ARMC8: variants seen among roughly 807,000 people sequenced by gnomAD.
The protein encoded by ARMC8 is armadillo repeat-containing protein 8.
In ARMC8, 20 loss-of-function variants were observed where a neutral mutation model predicts 99.3. The ratio of observed to expected loss-of-function variants is 0.20; its 90% confidence interval spans 0.14 to 0.29. The LOEUF is 0.29. Among genes scored for constraint, ARMC8 ranks in the 10% least tolerant of loss-of-function variants. The probability of loss-of-function intolerance (pLI) is 1.00; values close to 1 mark genes in which losing one functional copy is unlikely to be tolerated. For synonymous variants in ARMC8, 263 were observed against 278.3 expected (o/e 0.95, Z 0.55); for missense variants, 569 against 809.5 (o/e 0.70, Z 3.60).
chr3:138,242,317 A>G (rs1188920383), intron 11 of ARMC8, among the ~76,000 whole-genome samples: 3 of 152,164 alleles, frequency 2.0e-5, no homozygotes, highest in Non-Finnish European at 4.4e-5. Flanking sequence ...CTGTTGTTAC[A>G]TTCTCATTCT....
chr3:138,244,980 T>C (rs1406818501), intron 11 of ARMC8, 108 bp from the exon 12 acceptor site: 25 of 1,348,992 alleles, frequency 1.9e-5, no homozygotes, highest in South Asian at 1.0e-4. Flanking sequence ...GACTGGGAAA[T>C]TCACTAAAAT....
intron 1 of ARMC8, among the ~76,000 whole-genome samples, chr3:138,197,930 A>G (rs2043832648): frequency 6.6e-6 from 1 of 152,252 alleles, no homozygotes; most frequent in African/African-American, 2.4e-5. Context: ...ATAGTACTTG[A>G]TTAGAAGCAT....
intron 10 of ARMC8, among the ~76,000 whole-genome samples, chr3:138,241,163 G>A (rs567166227): frequency 1.3e-5 from 2 of 152,320 alleles, no homozygotes; most frequent in Non-Finnish European, 2.9e-5. Context: ...AGTAAAATTG[G>A]ACTCATGGAT....
chr3:138,193,353 C>CA, intron 1 of ARMC8, among the ~76,000 whole-genome samples: 1 of 152,118 alleles, frequency 6.6e-6, no homozygotes, highest in South Asian at 2.1e-4. Flanking sequence ...CTCTGCCTCC[C>CA]AGGCTCAAGA....
chr3:138,292,792 C>A (rs1363908610), intron 21 of ARMC8, among the ~76,000 whole-genome samples: 3 of 151,910 alleles, frequency 2.0e-5, no homozygotes, highest in Non-Finnish European at 4.4e-5. Context: ...TCTCTTAGAG[C>A]AAGTAAAAAG....
intron 12 of ARMC8, among the ~76,000 whole-genome samples, chr3:138,259,063 A>G (rs1384891423): frequency 6.6e-6 from 1 of 152,154 alleles, no homozygotes; most frequent in East Asian, 1.9e-4. Context: ...TTGCTCTTAC[A>G]TCCTGGAAGG....
intron 12 of ARMC8, chr3:138,245,435 T>C: frequency 7.3e-7 from 1 of 1,374,816 alleles, no homozygotes; most frequent in Non-Finnish European, 9.4e-7. Flanking sequence ...GTCATTAATA[T>C]GAATTATTAT....
At chr3:138,265,128 C>T (rs1049891097) in intron 14 of ARMC8, among the ~76,000 whole-genome samples, 1 of 151,982 alleles carries the variant, frequency 6.6e-6, no homozygotes, top group African/African-American at 2.4e-5. Context: ...AACTCCTGAG[C>T]TCAAGTGATC....
chr3:138,236,000 G>A (rs377752609), intron 7 of ARMC8, among the ~76,000 whole-genome samples: 1 of 151,950 alleles, frequency 6.6e-6, no homozygotes, highest in Non-Finnish European at 1.5e-5. Context: ...TAGAGACAGG[G>A]TTTCACCATG....
intron 5 of ARMC8, among the ~76,000 whole-genome samples, chr3:138,226,903 C>T (rs549897934): frequency 6.6e-6 from 1 of 152,234 alleles, no homozygotes; most frequent in African/African-American, 2.4e-5. Flanking sequence ...CAATTTTGTG[C>T]CTCAGCTATT....
chr3:138,274,177 A>G (rs1210941102), intron 17 of ARMC8, among the ~76,000 whole-genome samples: 6 of 151,590 alleles, frequency 4.0e-5, no homozygotes, highest in Admixed American at 1.3e-4. Flanking sequence ...TTGTGCTTTC[A>G]TATTCTGTCA....
At chr3:138,263,916 G>A (rs1256849637) in intron 13 of ARMC8, 95 bp downstream of exon 13, 6 of 1,212,236 alleles carry the variant, frequency 4.9e-6, no homozygotes, top group Non-Finnish European at 7.4e-6. Context: ...GACTACAAAT[G>A]TTCCTCAAAA....
chr3:138,256,264 C>T (rs758173296), intron 12 of ARMC8, among the ~76,000 whole-genome samples: 3 of 152,056 alleles, frequency 2.0e-5, no homozygotes, highest in Non-Finnish European at 4.4e-5. Flanking sequence ...GGTTTCTTCC[C>T]GGTTTTTCTT....
rs1359919220 is a variant in ARMC8, at chr3:138,262,415, T to C, written c.1135-1324T>C. The C allele has an allele frequency of 1.8e-5, 20 of 1,116,786 alleles. 1 individual carries two copies. In the Admixed American group the frequency reaches 3.1e-4, roughly 17 times the overall value. The allele number at this position is 1,116,786 out of a possible 1,614,324, so 69.2% of individuals were successfully genotyped here. A position where few individuals can be genotyped will look rare whatever the true frequency, so the allele number is the denominator to read the frequency against. On this transcript the variant is annotated intron_variant, in intron 12 of 21. Transcript: ENST00000469044. ...CTAAAATGTGGTTCCCTGTTCTTAATAGATGATATTTTCCCTGATCATTGT... is the reference window on the plus strand; with the variant it reads ...CTAAAATGTGGTTCCCTGTTCTTAACAGATGATATTTTCCCTGATCATTGT...
chr3:138,271,768 T>C (rs1289292338), intron 16 of ARMC8, among the ~76,000 whole-genome samples: 1 of 151,928 alleles, frequency 6.6e-6, no homozygotes, highest in Non-Finnish European at 1.5e-5. Context: ...ACATATTATG[T>C]CTCTAGTTCA....
At chr3:138,280,687 T>A (rs2049815989) in intron 18 of ARMC8, among the ~76,000 whole-genome samples, 1 of 151,974 alleles carries the variant, frequency 6.6e-6, no homozygotes, top group Admixed American at 6.5e-5. Flanking sequence ...AGAGACAGGG[T>A]TTCACCATGT....
chr3:138,266,414 G>T (rs1005189883), intron 14 of ARMC8, among the ~76,000 whole-genome samples: 1 of 152,070 alleles, frequency 6.6e-6, no homozygotes, highest in Non-Finnish European at 1.5e-5. Context: ...GTTGGGGCCA[G>T]ATTTGACATT....
In ARMC8 at chr3:138,187,325, G is replaced by C; in HGVS notation, c.-230G>C. On this transcript the variant is annotated 5_prime_UTR_variant, in exon 1 of 22. Transcript: ENST00000469044. Reference sequence around the variant, plus strand: ...CGCTTCCACCTCTAACCCAGGCTCAGAGTAGCTGCTGTTTCTGAGAGAACG... The same window carrying C: ...CGCTTCCACCTCTAACCCAGGCTCACAGTAGCTGCTGTTTCTGAGAGAACG... The C allele has an allele frequency of 2.0e-6, 1 of 500,842 alleles. No homozygotes were observed. Among genetic ancestry groups the C allele is most frequent in the Non-Finnish European group, 3.6e-6 (1 of 280,182 alleles). The allele number at this position is 500,842 out of a possible 1,614,324, so 31.0% of individuals were successfully genotyped here.
At chr3:138,194,528 A>AG (rs1256160750) in intron 1 of ARMC8, among the ~76,000 whole-genome samples, 3 of 133,166 alleles carry the variant, frequency 2.3e-5, no homozygotes, top group African/African-American at 8.5e-5. Context: ...TTAGTAGAGA[A>AG]GGGGTTTCAC....
Sources: allele counts gnomAD v4.1 joint callset (sites outside exome capture counted in the v4.1 genomes callset), GRCh38; gene constraint gnomAD v4.1.1; transcripts MANE v1.5; gene names NCBI Gene and HGNC (gene_info 2026-07-23, HGNC 2026-07-21).